SLCO3A1: variants seen among roughly 807,000 people sequenced by gnomAD.
The protein encoded by SLCO3A1 is PGE1 transporter.
A neutral mutation model predicts 63.1 loss-of-function variants in SLCO3A1; 27 were observed. The ratio of observed to expected loss-of-function variants is 0.43; its 90% CI spans 0.32 to 0.59. The LOEUF (loss-of-function observed/expected upper bound fraction) is 0.59. SLCO3A1 is among the 20% of genes least tolerant of loss of function. SLCO3A1 has a pLI of 0.09. For synonymous variants in SLCO3A1, 473 were observed against 409.9 expected (o/e 1.15, Z -1.86); for missense variants, 773 against 945.8 (o/e 0.82, Z 2.40).
intron 4 of SLCO3A1, among the ~76,000 whole-genome samples, chr15:92,112,176 G>A (rs2047737384): frequency 6.6e-6 from 1 of 152,192 alleles, no homozygotes; most frequent in Admixed American, 6.5e-5. Context: ...AGAGCTTTGG[G>A]ATGGGGGACA....
chr15:91,901,931 T>C (rs1214120719), intron 1 of SLCO3A1, among the ~76,000 whole-genome samples: 1 of 152,168 alleles, frequency 6.6e-6, no homozygotes, highest in Non-Finnish European at 1.5e-5. Flanking sequence ...TTTCTCTTTT[T>C]TCTTTATGGG....
At chr15:91,970,082 C>G (rs935231449) in intron 2 of SLCO3A1, among the ~76,000 whole-genome samples, 1 of 152,100 alleles carries the variant, frequency 6.6e-6, no homozygotes, top group Non-Finnish European at 1.5e-5. Context: ...CATTTTGGCT[C>G]TAGCAGAAAA....
downstream of SLCO3A1, among the ~76,000 whole-genome samples, chr15:92,169,444 C>T (rs555705556): frequency 6.6e-6 from 1 of 152,350 alleles, no homozygotes; most frequent in East Asian, 1.9e-4. Context: ...CATGCTCCCA[C>T]GTGCCTCCTG....
chr15:91,957,092 A>AGT (rs1491425919), intron 2 of SLCO3A1, among the ~76,000 whole-genome samples: 2 of 520 alleles, frequency 3.8e-3, no homozygotes, highest in Non-Finnish European at 5.1e-3. Context: ...TAGTATATAT[A>AGT]ATATATATAA....
Position 92,162,915 on chromosome 15 carries a change from T to G in SLCO3A1, c.1913T>G (p.Phe638Cys). The change falls in exon 10 of 10, where the codon TTC (phenylalanine) becomes TGC (cysteine). Residue 638 changes from phenylalanine to cysteine, a missense_variant. Phe to Cys is a radical substitution (Grantham distance 205). Transcript: ENST00000318445. ...GCCATCGCGCTCAAATCCTTCGCCT[T>G]CATCCTGTACACCACCACGTGGCAG... ...SIAIALKSFA[F>C]ILYTTTWQCL... 6.2e-7 allele frequency: 1 copy of G among 1,614,198 alleles called. No homozygotes were observed. Among genetic ancestry groups the G allele is most frequent in the Non-Finnish European group, 8.5e-7 (1 of 1,180,036 alleles).
intron 2 of SLCO3A1, among the ~76,000 whole-genome samples, chr15:91,983,523 A>G (rs1335220908): frequency 6.6e-6 from 1 of 152,212 alleles, no homozygotes; most frequent in African/African-American, 2.4e-5. Flanking sequence ...TGTCCCGGAC[A>G]GATTGAGAAC....
At chr15:91,985,478 G>T (rs1297706570) in intron 2 of SLCO3A1, among the ~76,000 whole-genome samples, 1 of 152,160 alleles carries the variant, frequency 6.6e-6, no homozygotes, top group Non-Finnish European at 1.5e-5. Flanking sequence ...TGTGGGATGC[G>T]CACCTAGGAG....
intron 2 of SLCO3A1, among the ~76,000 whole-genome samples, chr15:92,000,111 A>G (rs1597207092): frequency 6.6e-6 from 1 of 152,250 alleles, no homozygotes; most frequent in East Asian, 1.9e-4. Flanking sequence ...CTTTTGTGTA[A>G]CATTTTTTAA....
chr15:92,155,742 C>A (rs1001668504), intron 9 of SLCO3A1, among the ~76,000 whole-genome samples: 6 of 152,148 alleles, frequency 3.9e-5, no homozygotes, highest in South Asian at 2.1e-4. Flanking sequence ...CCCAACCCAA[C>A]CGACCTAAGT....
chr15:92,072,760 C>G (rs1299517272), intron 2 of SLCO3A1, among the ~76,000 whole-genome samples: 1 of 152,132 alleles, frequency 6.6e-6, no homozygotes, highest in Non-Finnish European at 1.5e-5. Flanking sequence ...CCCCTTCTCT[C>G]TTTTCTGTGT....
At chr15:92,060,609 C>T (rs962914849) in intron 2 of SLCO3A1, among the ~76,000 whole-genome samples, 1 of 151,988 alleles carries the variant, frequency 6.6e-6, no homozygotes, top group Admixed American at 6.5e-5. Context: ...AGGCAGTTCT[C>T]CTGCCTCAGC....
At chr15:91,903,161 T>A (rs1370165210) in intron 1 of SLCO3A1, among the ~76,000 whole-genome samples, 1 of 152,184 alleles carries the variant, frequency 6.6e-6, no homozygotes, top group Non-Finnish European at 1.5e-5. Flanking sequence ...TAAGTGATGC[T>A]TGACATACGG....
chr15:92,060,774 A>G (rs1296230765), intron 2 of SLCO3A1, among the ~76,000 whole-genome samples: 2 of 152,192 alleles, frequency 1.3e-5, no homozygotes, highest in Non-Finnish European at 1.5e-5. Flanking sequence ...TGCTAGGATT[A>G]CAGGCATGAG....
intron 2 of SLCO3A1, among the ~76,000 whole-genome samples, chr15:92,066,778 C>T (rs1174969146): frequency 6.6e-6 from 1 of 152,240 alleles, no homozygotes; most frequent in Non-Finnish European, 1.5e-5. Context: ...CCGTTGTCAT[C>T]AGTGTCACCA....
At chr15:91,866,666 T>C (rs758118756) in intron 1 of SLCO3A1, among the ~76,000 whole-genome samples, 3 of 151,602 alleles carry the variant, frequency 2.0e-5, no homozygotes, top group African/African-American at 7.3e-5. Flanking sequence ...GCGAGCAATA[T>C]AGAGTTGAGT....
At chr15:91,962,679 T>C (rs942954658) in intron 2 of SLCO3A1, among the ~76,000 whole-genome samples, 1 of 151,696 alleles carries the variant, frequency 6.6e-6, no homozygotes, top group African/African-American at 2.4e-5. Flanking sequence ...GCAGTGATGT[T>C]TAGGAGCCTC....
chr15:91,926,522 T>G (rs1899016349), intron 2 of SLCO3A1, among the ~76,000 whole-genome samples: 1 of 151,428 alleles, frequency 6.6e-6, no homozygotes, highest in Admixed American at 6.6e-5. Flanking sequence ...TATGTTCCAT[T>G]CCCAGCGTGG....
At chr15:92,122,214 C>T (rs1169734118) in intron 5 of SLCO3A1, among the ~76,000 whole-genome samples, 2 of 152,058 alleles carry the variant, frequency 1.3e-5, no homozygotes, top group Admixed American at 6.6e-5. Context: ...CCTGAAAGAG[C>T]AGAGGGAGGG....
Position 92,165,577 on chromosome 15 carries a change from A to C in SLCO3A1, c.*2442A>C, listed in dbSNP as rs949216091. ...TCCTAAGATTTTAGGATGAATGTGAAAAAGATGTTAGAATAACAGGAAGAC... is the reference window on the plus strand; with the variant it reads ...TCCTAAGATTTTAGGATGAATGTGACAAAGATGTTAGAATAACAGGAAGAC... On this transcript the variant is annotated 3_prime_UTR_variant, in exon 10 of 10. Coordinates refer to ENST00000318445, the MANE Select transcript of SLCO3A1 (RefSeq NM_013272.4). 3 of 984,830 alleles carry C rather than the reference A, an allele frequency of 3.0e-6. No individual in the cohort carries two copies. In the African/African-American group the frequency reaches 5.2e-5, roughly 17 times the overall value. 61.0% of individuals were successfully genotyped at this position (984,830 alleles called of 1,614,324 possible).
Sources: gnomAD v4.1 joint callset for allele counts (sites outside exome capture counted in the v4.1 genomes callset) on GRCh38, gnomAD v4.1.1 for gene constraint, MANE v1.5 for transcripts, NCBI Gene and HGNC (gene_info 2026-07-23, HGNC 2026-07-21) for gene names.